The following HSD17B13 variants were observed in gnomAD, a reference collection of about 807,000 sequenced individuals.
HSD17B13 encodes the protein 17-beta-hydroxysteroid dehydrogenase 13.
HSD17B13 carries 26 observed loss-of-function variants against 31.1 expected under a neutral mutation model. That is an observed-to-expected ratio of 0.84 (90% CI 0.61 to 1.16). HSD17B13 has a LOEUF of 1.16. Ranked by LOEUF, HSD17B13 falls within the 50% of genes most tolerant of loss-of-function variation. The pLI is 0.00. For synonymous variants in HSD17B13, 141 were observed against 133.7 expected, an observed-to-expected ratio of 1.05 and a Z score of -0.38; for missense variants, 374 against 366.5, an observed-to-expected ratio of 1.02 and a Z score of -0.17.
intron 3 of HSD17B13, among the ~76,000 whole-genome samples, chr4:87,315,995 G>T (rs1734641902): frequency 6.6e-6 from 1 of 152,102 alleles, no homozygotes; most frequent in Non-Finnish European, 1.5e-5. Context: ...GTGAAATCTT[G>T]TGTAACTGTA....
intron 2 of HSD17B13, among the ~76,000 whole-genome samples, chr4:87,317,667 A>G (rs887565428): frequency 5.1e-5 from 7 of 136,810 alleles, no homozygotes; most frequent in African/African-American, 2.0e-4. Context: ...CCTTGGCCTC[A>G]CAAAGTGCTG....
In HSD17B13 at chr4:87,304,820, T is replaced by G. The variant is rs1202460188; in HGVS notation, c.*398A>C. The G allele has an allele frequency of 6.5e-6, 1 of 153,806 alleles. No individual in the cohort carries two copies. The highest frequency in any genetic ancestry group is 1.4e-5 in the Non-Finnish European group (1 of 69,138). 9.5% of individuals were successfully genotyped at this position (153,806 alleles called of 1,614,324 possible). On this transcript the variant is annotated 3_prime_UTR_variant, in exon 7 of 7. Coordinates refer to ENST00000328546, the MANE Select transcript of HSD17B13 (RefSeq NM_178135.5). ...CACTCATTCTGTGTTCTTGTTGATATTCTGTGGCATGGCTACAGATTGGAA... is the reference window on the plus strand; with the variant it reads ...CACTCATTCTGTGTTCTTGTTGATAGTCTGTGGCATGGCTACAGATTGGAA...
chr4:87,318,345 T>C lies in HSD17B13; in HGVS notation c.302A>G (p.Tyr101Cys), dbSNP rs1734703444. 3.1e-6 allele frequency: 5 copies of C among 1,613,302 alleles called. No individual in the cohort carries two copies. Among genetic ancestry groups the C allele is most frequent in the Middle Eastern group, 1.6e-4 (1 of 6,062 alleles). The change falls in exon 2 of 7, where the codon TAT becomes TGT. Residue 101 changes from tyrosine (Y) to cysteine (C), a missense_variant. Transcript: ENST00000328546. Reference protein sequence around the residue: ...VVDCSNREEIYRSLNQVKKEV... With the variant: ...VVDCSNREEICRSLNQVKKEV... Reference sequence around the variant, plus strand: ...CAGTCTCACCTGATTTAGAGAGCGATAGATCTCTTCTCTGTTGCTGCAGTC... The same window carrying C: ...CAGTCTCACCTGATTTAGAGAGCGACAGATCTCTTCTCTGTTGCTGCAGTC...
chr4:87,317,563 CTTTTTTTTTTTTTTTTT>C (rs869241617), intron 2 of HSD17B13, among the ~76,000 whole-genome samples: 4 of 49,748 alleles, frequency 8.0e-5, no homozygotes, highest in African/African-American at 3.4e-4. Flanking sequence ...TTTCTTTAAA[CTTTTTTTTTTTTTTTTT>C]TTTTTTTTTT....
At chr4:87,314,013 C>T in intron 4 of HSD17B13, 53 bp from the exon 5 acceptor site, 1 of 1,384,326 alleles carries the variant, frequency 7.2e-7, no homozygotes. Context: ...AACCAATCCT[C>T]AGCTTTCTGT....
At chr4:87,307,423 C>T (rs561609064) in intron 6 of HSD17B13, among the ~76,000 whole-genome samples, 1 of 152,100 alleles carries the variant, frequency 6.6e-6, no homozygotes, top group Non-Finnish European at 1.5e-5. Flanking sequence ...TTGCTTTGGG[C>T]CCCAAGAGAG....
chr4:87,315,532 A>T lies in HSD17B13; in HGVS notation c.518T>A (p.Val173Glu). 6.2e-7 allele frequency: 1 copy of T among 1,612,222 alleles called. No individual in the cohort carries two copies. The highest frequency in any genetic ancestry group is 1.1e-5 in the South Asian group (1 of 90,950). ...GTAAGGAATCCCTTCGTGGCCGCAC[A>T]CTGAAGCCACTGTGACGATGTGGCC... ...NHGHIVTVAS[V>E]CGHEGIPYLI... Residue 173 changes from valine (V) to glutamate (E), a missense_variant, in exon 4 of 7, where the codon GTG becomes GAG. By Grantham distance (121) the Val-to-Glu change is moderately radical. Coordinates refer to ENST00000328546, the MANE Select transcript of HSD17B13 (RefSeq NM_178135.5).
intron 1 of HSD17B13, among the ~76,000 whole-genome samples, chr4:87,319,367 T>C (rs1734729335): frequency 6.6e-6 from 1 of 152,210 alleles, no homozygotes; most frequent in Admixed American, 6.5e-5. Flanking sequence ...GGCTGTACAG[T>C]AGGCAGTTTC....
intron 3 of HSD17B13, among the ~76,000 whole-genome samples, chr4:87,316,095 A>G (rs1385620904): frequency 6.6e-5 from 10 of 152,206 alleles, no homozygotes; most frequent in Non-Finnish European, 1.3e-4. Flanking sequence ...GTAATATTGT[A>G]TATTATATGT....
chr4:87,306,868 C>G (rs1734400839), intron 6 of HSD17B13, among the ~76,000 whole-genome samples: 2 of 127,508 alleles, frequency 1.6e-5, no homozygotes, highest in Admixed American at 2.0e-4. Flanking sequence ...GATCAAGCCA[C>G]TGCACTCCAG....
intron 6 of HSD17B13, among the ~76,000 whole-genome samples, chr4:87,309,813 A>T (rs749934976): frequency 6.6e-6 from 1 of 152,176 alleles, no homozygotes. Flanking sequence ...TGTTCTCCCC[A>T]GGGATGGAGA....
At chr4:87,321,202 G>T (rs1734779973) in intron 1 of HSD17B13, among the ~76,000 whole-genome samples, 1 of 151,888 alleles carries the variant, frequency 6.6e-6, no homozygotes, top group African/African-American at 2.4e-5. Flanking sequence ...GCTAATTTTT[G>T]TATTTTTTGT....
intron 5 of HSD17B13, among the ~76,000 whole-genome samples, chr4:87,312,068 T>G (rs1295546690): frequency 6.6e-6 from 1 of 151,950 alleles, no homozygotes; most frequent in Non-Finnish European, 1.5e-5. Flanking sequence ...GTACCCAGAG[T>G]TCCATTATCC....
intron 1 of HSD17B13, among the ~76,000 whole-genome samples, chr4:87,322,372 G>C (rs1047716892): frequency 3.9e-5 from 6 of 152,266 alleles, no homozygotes; most frequent in Admixed American, 6.5e-5. Context: ...TATGTGACTT[G>C]CCTCATTTAG....
At chr4:87,319,805 T>G (rs1734740593) in intron 1 of HSD17B13, among the ~76,000 whole-genome samples, 1 of 152,236 alleles carries the variant, frequency 6.6e-6, no homozygotes, top group Non-Finnish European at 1.5e-5. Flanking sequence ...GACAGAGCAA[T>G]TTACTTTCAG....
chr4:87,318,797 CAAAAAAAAA>C (rs1158406945), intron 1 of HSD17B13, among the ~76,000 whole-genome samples: 1 of 83,530 alleles, frequency 1.2e-5, no homozygotes, highest in Non-Finnish European at 2.6e-5. Context: ...GACTCTGTCT[CAAAAAAAAA>C]AAAAAAAAAA....
Position 87,317,169 on chromosome 4 carries a change from A to G in HSD17B13, c.373T>C (p.Tyr125His). 1.2e-6 allele frequency: 2 copies of G among 1,613,742 alleles called. No individual in the cohort carries two copies. Among genetic ancestry groups the G allele is most frequent in the East Asian group, 2.2e-5 (1 of 44,880 alleles). ...TTGGTGCTGAGAAGATCGGCTGGATATACTGTCCCAGCATTATTCACCACG... is the reference window on the plus strand; with the variant it reads ...TTGGTGCTGAGAAGATCGGCTGGATGTACTGTCCCAGCATTATTCACCACG... ...TIVVNNAGTV[Y>H]PADLLSTKDE... Residue 125 changes from tyrosine (Y) to histidine (H), a missense_variant, in exon 3 of 7, where the codon TAT (tyrosine) becomes CAT (histidine). Coordinates refer to ENST00000328546, the MANE Select transcript of HSD17B13 (RefSeq NM_178135.5).
At chr4:87,306,268 G>A (rs1734386663) in intron 6 of HSD17B13, among the ~76,000 whole-genome samples, 1 of 152,170 alleles carries the variant, frequency 6.6e-6, no homozygotes, top group South Asian at 2.1e-4. Flanking sequence ...GAAGGTCTGA[G>A]CTCATTGCTG....
chr4:87,318,620 A>G (rs1734713639), intron 1 of HSD17B13, among the ~76,000 whole-genome samples, 184 bp from the exon 2 acceptor site: 1 of 151,072 alleles, frequency 6.6e-6, no homozygotes, highest in Non-Finnish European at 1.5e-5. Flanking sequence ...CAACATGGTG[A>G]AACCCCGTCT....
Sources: gnomAD v4.1 joint callset for allele counts (sites outside exome capture counted in the v4.1 genomes callset) on GRCh38, gnomAD v4.1.1 for gene constraint, MANE v1.5 for transcripts, NCBI Gene and HGNC (gene_info 2026-07-23, HGNC 2026-07-21) for gene names.